PCSK2: variants seen among roughly 807,000 people sequenced by gnomAD.
PCSK2 encodes the protein proprotein convertase subtilisin/kexin type 2.
Under a neutral mutation model 69.7 loss-of-function variants are expected in PCSK2, and 14 were observed. The ratio of observed to expected loss-of-function variants is 0.20; its 90% confidence interval spans 0.13 to 0.31. The LOEUF is 0.31. PCSK2 is among the 10% of genes least tolerant of loss of function. PCSK2 has a pLI of 1.00. For synonymous variants in PCSK2, 307 were observed against 320.7 expected (o/e 0.96, Z 0.46); for missense variants, 544 against 842.5 (o/e 0.65, Z 4.39).
chr20:17,304,534 A>G (rs1989266448), intron 2 of PCSK2, among the ~76,000 whole-genome samples: 1 of 152,194 alleles, frequency 6.6e-6, no homozygotes, highest in Non-Finnish European at 1.5e-5. Context: ...TGGACTGGCA[A>G]TCTGGGTAGA....
intron 2 of PCSK2, among the ~76,000 whole-genome samples, chr20:17,349,933 G>A (rs1394069497): frequency 6.6e-6 from 1 of 152,052 alleles, no homozygotes; most frequent in Admixed American, 6.5e-5. Flanking sequence ...CCAGGTGATT[G>A]CACTGTGCAG....
At chr20:17,258,004 GA>G in intron 1 of PCSK2, among the ~76,000 whole-genome samples, 1 of 152,182 alleles carries the variant, frequency 6.6e-6, no homozygotes, top group East Asian at 1.9e-4. Flanking sequence ...ATTCCCTGGG[GA>G]GTAGGACTTT....
At chr20:17,297,116 G>T (rs79619324) in intron 2 of PCSK2, among the ~76,000 whole-genome samples, 2 of 152,322 alleles carry the variant, frequency 1.3e-5, no homozygotes, top group South Asian at 2.1e-4. Flanking sequence ...AGTAAACAGG[G>T]TATTGTATGC....
intron 3 of PCSK2, 40 bp from the exon 4 acceptor site, chr20:17,360,492 C>A: frequency 7.7e-7 from 1 of 1,295,234 alleles, no homozygotes; most frequent in African/African-American, 1.5e-5. Flanking sequence ...TTTACAACAC[C>A]AAACTAATAC....
chr20:17,284,429 G>C (rs1988441816), intron 2 of PCSK2, among the ~76,000 whole-genome samples: 1 of 152,190 alleles, frequency 6.6e-6, no homozygotes, highest in East Asian at 1.9e-4. Flanking sequence ...CTACTTTGCA[G>C]GAGTTATCTG....
At chr20:17,381,139 A>G (rs564610793) in intron 5 of PCSK2, among the ~76,000 whole-genome samples, 1 of 152,344 alleles carries the variant, frequency 6.6e-6, no homozygotes, top group African/African-American at 2.4e-5. Context: ...CTTCTCCACC[A>G]TGGTAACCCT....
intron 2 of PCSK2, among the ~76,000 whole-genome samples, chr20:17,320,920 A>C (rs1179990650): frequency 6.6e-6 from 1 of 152,152 alleles, no homozygotes; most frequent in East Asian, 1.9e-4. Context: ...TAAATGTATA[A>C]TGGTTGTGAC....
chr20:17,429,385 G>A (rs747350872), intron 6 of PCSK2, 50 bp from the exon 7 acceptor site: 4 of 1,384,986 alleles, frequency 2.9e-6, no homozygotes, highest in Admixed American at 3.4e-5. Context: ...GAGAGATCTA[G>A]CCAAATTCGT....
chr20:17,350,917 G>C (rs1425091123), intron 2 of PCSK2, among the ~76,000 whole-genome samples: 2 of 152,028 alleles, frequency 1.3e-5, no homozygotes, highest in African/African-American at 4.8e-5. Context: ...GCGAATGGCT[G>C]TAGTCCCAGC....
At chr20:17,325,784 A>T (rs1832478388) in intron 2 of PCSK2, among the ~76,000 whole-genome samples, 1 of 152,138 alleles carries the variant, frequency 6.6e-6, no homozygotes, top group Admixed American at 6.5e-5. Flanking sequence ...GGGCTAGCCC[A>T]GGCATGTTAT....
intron 5 of PCSK2, among the ~76,000 whole-genome samples, chr20:17,385,937 C>T (rs2031223188): frequency 1.3e-5 from 2 of 152,194 alleles, no homozygotes; most frequent in African/African-American, 2.4e-5. Context: ...GGAACAATTT[C>T]CTATACTTCT....
chr20:17,324,812 A>T (rs1191426810), intron 2 of PCSK2, among the ~76,000 whole-genome samples: 1 of 152,182 alleles, frequency 6.6e-6, no homozygotes, highest in Non-Finnish European at 1.5e-5. Flanking sequence ...CTACTTCAGC[A>T]TCTGCAGAAG....
At chr20:17,292,504 C>T (rs765628930) in intron 2 of PCSK2, among the ~76,000 whole-genome samples, 1 of 152,120 alleles carries the variant, frequency 6.6e-6, no homozygotes, top group Non-Finnish European at 1.5e-5. Flanking sequence ...CTAATTGACT[C>T]AATATCACTT....
chr20:17,439,671 T>C (rs1049809310), intron 8 of PCSK2, among the ~76,000 whole-genome samples: 2 of 152,240 alleles, frequency 1.3e-5, no homozygotes, highest in African/African-American at 4.8e-5. Flanking sequence ...CTTACCAGAC[T>C]AAAGCATCTC....
chr20:17,450,396 T>A (rs2032800632), intron 8 of PCSK2, among the ~76,000 whole-genome samples: 3 of 152,296 alleles, frequency 2.0e-5, no homozygotes, highest in Middle Eastern at 6.8e-3. Flanking sequence ...CTGTGAAGAC[T>A]GAATAGGATA....
chr20:17,375,239 A>C (rs2030890067), intron 5 of PCSK2, among the ~76,000 whole-genome samples: 1 of 152,268 alleles, frequency 6.6e-6, no homozygotes, highest in East Asian at 1.9e-4. Flanking sequence ...AAACCAGTGC[A>C]GTTGTTCATT....
intron 1 of PCSK2, among the ~76,000 whole-genome samples, chr20:17,239,202 T>G (rs1292734345): frequency 6.6e-6 from 1 of 152,212 alleles, no homozygotes; most frequent in East Asian, 1.9e-4. Flanking sequence ...TTCTCCTCTA[T>G]TTCTGTGGGA....
chr20:17,416,605 A>G (rs2032005276), intron 6 of PCSK2, among the ~76,000 whole-genome samples: 1 of 152,218 alleles, frequency 6.6e-6, no homozygotes, highest in East Asian at 1.9e-4. Flanking sequence ...ATTGTGGAAG[A>G]CAGTATGGTG....
At chr20:17,425,761 A>G (rs73248106) in intron 6 of PCSK2, among the ~76,000 whole-genome samples, 101 of 152,248 alleles carry the variant, frequency 6.6e-4, no homozygotes, top group African/African-American at 2.4e-3. Flanking sequence ...GACTCCTTTC[A>G]TCTTTGGCAT....
Sources: gnomAD v4.1 joint callset for allele counts (sites outside exome capture counted in the v4.1 genomes callset) on GRCh38, gnomAD v4.1.1 for gene constraint, MANE v1.5 for transcripts, NCBI Gene and HGNC (gene_info 2026-07-23, HGNC 2026-07-21) for gene names.